Variants in BCO1 observed in about 807,000 individuals in gnomAD.
BCO1 encodes the protein beta,beta-carotene 15,15'-dioxygenase.
BCO1 carries 54 observed loss-of-function variants against 56.3 expected under a neutral mutation model. The ratio of observed to expected loss-of-function variants is 0.96; its 90% CI spans 0.77 to 1.20. The LOEUF (loss-of-function observed/expected upper bound fraction) is 1.20, where lower values mean the gene tolerates loss of function less well. Ranked by LOEUF, BCO1 falls within the 50% of genes most tolerant of loss-of-function variation. The pLI is 0.00. For synonymous variants in BCO1, 318 were observed against 266.1 expected, an observed-to-expected ratio of 1.20 and a Z score of -1.90; for missense variants, 801 against 690.9, an observed-to-expected ratio of 1.16 and a Z score of -1.79.
In BCO1 at chr16:81,290,589, T is replaced by G; in HGVS notation, c.*12T>G. The G allele has an allele frequency of 4.4e-6, 7 of 1,606,896 alleles. No individual in the cohort carries two copies. Among genetic ancestry groups the G allele is most frequent in the Non-Finnish European group, 6.0e-6 (7 of 1,176,274 alleles). On this transcript the variant is annotated 3_prime_UTR_variant, in exon 11 of 11. Coordinates refer to ENST00000258168, the MANE Select transcript of BCO1 (RefSeq NM_017429.3). ...CTCCTCTGACCTGATGGTGTTGGGG[T>G]TTGGGTAGGGGAGGGGAGCTCGGCT...
chr16:81,290,705 G>C lies in BCO1; in HGVS notation c.*128G>C, dbSNP rs1481346371. On this transcript the variant is annotated 3_prime_UTR_variant, in exon 11 of 11. Transcript: ENST00000258168. ...TCTTTCTGTGGGTGCTTTGACAAGG[G>C]CATGGCAAGAGAGCTTGTCAGTATC... 3.1e-5 allele frequency: 22 copies of C among 718,330 alleles called. No individual in the cohort carries two copies. Among genetic ancestry groups the C allele is most frequent in the Non-Finnish European group, 4.8e-5 (21 of 434,936 alleles). The allele number at this position is 718,330 out of a possible 1,614,324, so 44.5% of individuals were successfully genotyped here.
Position 81,245,492 on chromosome 16 carries a change from C to T in BCO1, c.82C>T (p.Leu28=). The T allele has an allele frequency of 1.9e-6, 3 of 1,614,224 alleles. No homozygotes were observed. Among genetic ancestry groups the T allele is most frequent in the Non-Finnish European group, 1.7e-6 (2 of 1,180,034 alleles). The part of the protein sequence containing the change: ...AKVTGKIPAW[L]QGTLLRNGPG... ...TTTCTCAGGCAAGATTCCAGCATGG[C>T]TGCAGGGAACCCTGCTCCGCAATGG... Residue 28 remains leucine (L), a synonymous_variant, in exon 2 of 11, where the codon CTG becomes TTG. Coordinates refer to ENST00000258168, the MANE Select transcript of BCO1 (RefSeq NM_017429.3).
At chr16:81,255,719 C>T (rs911389295) in intron 2 of BCO1, among the ~76,000 whole-genome samples, 34 of 152,022 alleles carry the variant, frequency 2.2e-4, no homozygotes, top group Admixed American at 1.8e-3. Context: ...ATAGGCCAGG[C>T]TGGTCTCAAA....
intron 2 of BCO1, 62 bp downstream of exon 2, chr16:81,245,665 A>C: frequency 3.7e-6 from 6 of 1,602,730 alleles, no homozygotes; most frequent in Non-Finnish European, 5.1e-6. Flanking sequence ...GCAGTGCCTT[A>C]AAACAGCACA....
At chr16:81,250,458 T>G (rs916123237) in intron 2 of BCO1, among the ~76,000 whole-genome samples, 1 of 152,118 alleles carries the variant, frequency 6.6e-6, no homozygotes, top group Non-Finnish European at 1.5e-5. Context: ...ACCAGAAATG[T>G]TCAGTTCCAC....
chr16:81,245,640 C>G, intron 2 of BCO1, 37 bp downstream of exon 2: 2 of 1,613,552 alleles, frequency 1.2e-6, no homozygotes, highest in Non-Finnish European at 1.7e-6. Context: ...ACTGCTGCAG[C>G]AAAGGACCCC....
chr16:81,266,186 C>T (rs7189672), intron 5 of BCO1, among the ~76,000 whole-genome samples: 15,845 of 152,208 alleles, frequency 0.1, 1,312 homozygotes, highest in African/African-American at 0.23. Flanking sequence ...ACTCCAGATC[C>T]CTGCCCTGTT....
At chr16:81,274,664 G>T (rs58794372) in intron 7 of BCO1, among the ~76,000 whole-genome samples, 2,733 of 152,294 alleles carry the variant, frequency 0.018, 35 homozygotes, top group African/African-American at 0.031. Flanking sequence ...GATCACCTGA[G>T]GTCAGGAGTT....
At chr16:81,250,994 G>A (rs1158541588) in intron 2 of BCO1, among the ~76,000 whole-genome samples, 1 of 152,154 alleles carries the variant, frequency 6.6e-6, no homozygotes, top group Non-Finnish European at 1.5e-5. Flanking sequence ...GCCCTCTGAG[G>A]TTTGACAATC....
chr16:81,272,093 A>C (rs1429826265), intron 7 of BCO1, among the ~76,000 whole-genome samples: 4 of 145,144 alleles, frequency 2.8e-5, no homozygotes, highest in Non-Finnish European at 6.0e-5. Flanking sequence ...ACTATCTTAC[A>C]GACTGCTTTT....
chr16:81,262,185 C>T lies in BCO1; in HGVS notation c.373C>T (p.Leu125=), dbSNP rs972542317. 7.4e-6 allele frequency: 12 copies of T among 1,613,994 alleles called. No individual in the cohort carries two copies. The highest frequency in any genetic ancestry group is 1.1e-5 in the South Asian group (1 of 91,080). ...CATCCCCGATTTCACCGACAACTGCCTGATCAACATCATGAAGTGCGGAGA... is the reference window on the plus strand; with the variant it reads ...CATCCCCGATTTCACCGACAACTGCTTGATCAACATCATGAAGTGCGGAGA... ...HTIPDFTDNC[L]INIMKCGEDF... is the part of the protein sequence containing the mutation. Residue 125 remains leucine, a synonymous_variant, in exon 4 of 11, where the codon CTG becomes TTG. Coordinates refer to ENST00000258168, the MANE Select transcript of BCO1 (RefSeq NM_017429.3).
chr16:81,282,887 C>A (rs896187784), intron 8 of BCO1, among the ~76,000 whole-genome samples: 4 of 152,160 alleles, frequency 2.6e-5, no homozygotes, highest in African/African-American at 4.8e-5. Context: ...CCGGCAGTGT[C>A]ATTCTTTTAT....
At position 81,290,739 on chromosome 16, in the gene BCO1, C is replaced by A. The variant is rs189831160; in HGVS notation, c.*162C>A. On this transcript the variant is annotated 3_prime_UTR_variant, in exon 11 of 11. Coordinates refer to ENST00000258168, the MANE Select transcript of BCO1 (RefSeq NM_017429.3). Reference sequence around the variant, plus strand: ...GAGAGCTTGTCAGTATCATTTCTTTCATTTTATTTTGGCTGTAAAAATTTT... The same window carrying A: ...GAGAGCTTGTCAGTATCATTTCTTTAATTTTATTTTGGCTGTAAAAATTTT... 8.1e-5 allele frequency: 50 copies of A among 613,752 alleles called. No individual in the cohort carries two copies. In the Admixed American group the frequency reaches 1.4e-3, roughly 18 times the overall value. The allele number at this position is 613,752 out of a possible 1,614,324, so 38.0% of individuals were successfully genotyped here. A position where few individuals can be genotyped will look rare whatever the true frequency, so the allele number is the denominator to read the frequency against.
chr16:81,262,389 C>G, intron 4 of BCO1, 106 bp downstream of exon 4: 2 of 1,263,856 alleles, frequency 1.6e-6, no homozygotes, highest in Non-Finnish European at 1.1e-6. Flanking sequence ...CCAGGGGAGC[C>G]CCTCCTCTAA....
At chr16:81,288,213 C>G (rs1908291420) in intron 10 of BCO1, among the ~76,000 whole-genome samples, 1 of 151,882 alleles carries the variant, frequency 6.6e-6, no homozygotes, top group South Asian at 2.1e-4. Flanking sequence ...ACATTAAACT[C>G]TCTCAGAATG....
intron 2 of BCO1, among the ~76,000 whole-genome samples, chr16:81,249,887 G>A (rs1414444175): frequency 2.6e-5 from 4 of 152,156 alleles, no homozygotes; most frequent in Admixed American, 1.3e-4. Context: ...CCCAGAGTGC[G>A]GGGAGCCTGC....
At position 81,290,645 on chromosome 16, in the gene BCO1, T is replaced by C. The variant is rs1225878179; in HGVS notation, c.*68T>C. The C allele has an allele frequency of 4.5e-6, 6 of 1,320,040 alleles. No homozygotes were observed. Among genetic ancestry groups the C allele is most frequent in the Non-Finnish European group, 5.4e-6 (5 of 929,278 alleles). 81.8% of individuals were successfully genotyped at this position (1,320,040 alleles called of 1,614,324 possible). ...AACTCCATGGATATGTTTCTTTGGA[T>C]GGAGGGGAGGGCCTTTGTTACCTTT... On this transcript the variant is annotated 3_prime_UTR_variant, in exon 11 of 11. Coordinates refer to ENST00000258168, the MANE Select transcript of BCO1 (RefSeq NM_017429.3).
chr16:81,247,313 G>A (rs1271735867), intron 2 of BCO1, among the ~76,000 whole-genome samples: 1 of 152,072 alleles, frequency 6.6e-6, no homozygotes, highest in Non-Finnish European at 1.5e-5. Flanking sequence ...TGGGATCATT[G>A]GAAGTATTGG....
At chr16:81,278,081 G>A (rs879256418) in intron 7 of BCO1, among the ~76,000 whole-genome samples, 20 of 151,992 alleles carry the variant, frequency 1.3e-4, no homozygotes, top group South Asian at 4.2e-4. Flanking sequence ...TCGCTCTGTC[G>A]CCCAGGCTGG....
Sources: gnomAD v4.1 joint callset for allele counts (sites outside exome capture counted in the v4.1 genomes callset) on GRCh38, gnomAD v4.1.1 for gene constraint, MANE v1.5 for transcripts, NCBI Gene and HGNC (gene_info 2026-07-23, HGNC 2026-07-21) for gene names.